EXT2: variants seen among roughly 807,000 people sequenced by gnomAD.
EXT2 encodes exostosin-2.
A neutral mutation model predicts 81.6 loss-of-function variants in EXT2; 53 were observed. The ratio of observed to expected loss-of-function variants is 0.65; its 90% CI spans 0.52 to 0.82. EXT2 has a LOEUF of 0.82. Among genes scored for constraint, EXT2 ranks in the 40% least tolerant of loss-of-function variants. The probability of loss-of-function intolerance (pLI) is 0.00; values close to 1 mark genes in which losing one functional copy is unlikely to be tolerated. For missense variants in EXT2, 774 were observed against 910.2 expected, an observed-to-expected ratio of 0.85 and a Z score of 1.93; for synonymous variants, 320 against 340.0, an observed-to-expected ratio of 0.94 and a Z score of 0.65.
At chr11:44,153,288 T>G (rs1954816623) in intron 7 of EXT2, among the ~76,000 whole-genome samples, 1 of 152,222 alleles carries the variant, frequency 6.6e-6, no homozygotes, top group Admixed American at 6.5e-5. Flanking sequence ...TAAATGGTGA[T>G]GGGTTTTAAA....
chr11:44,136,016 T>A (rs1954561014), intron 7 of EXT2, among the ~76,000 whole-genome samples: 1 of 152,230 alleles, frequency 6.6e-6, no homozygotes, highest in African/African-American at 2.4e-5. Flanking sequence ...AGCATATATG[T>A]TTTTAAGATA....
At chr11:44,128,364 A>G (rs1208693414) in intron 6 of EXT2, among the ~76,000 whole-genome samples, 1 of 152,206 alleles carries the variant, frequency 6.6e-6, no homozygotes, top group Non-Finnish European at 1.5e-5. Flanking sequence ...GTTATTCTTC[A>G]TGCCTTAGAG....
At chr11:44,109,780 G>A (rs551178340) in intron 3 of EXT2, among the ~76,000 whole-genome samples, 179 of 152,092 alleles carry the variant, frequency 1.2e-3, no homozygotes, top group African/African-American at 4.2e-3. Flanking sequence ...TTCATTATTC[G>A]CCCCTCTTGC....
intron 8 of EXT2, among the ~76,000 whole-genome samples, chr11:44,180,293 C>T (rs995467791): frequency 2.0e-5 from 3 of 152,102 alleles, no homozygotes; most frequent in East Asian, 1.9e-4. Context: ...TCCATCTTAC[C>T]GTTATGACTG....
At chr11:44,236,454 T>C in intron 13 of EXT2, 79 bp downstream of exon 13, 1 of 1,346,050 alleles carries the variant, frequency 7.4e-7, no homozygotes, top group South Asian at 1.2e-5. Context: ...TGGGGCTTTG[T>C]TGGAGATATA....
At chr11:44,213,764 C>T (rs1053160535) in intron 10 of EXT2, among the ~76,000 whole-genome samples, 2 of 152,050 alleles carry the variant, frequency 1.3e-5, no homozygotes, top group Admixed American at 1.3e-4. Context: ...ATATTTGTGT[C>T]ATTAGAATTT....
chr11:44,244,041 T>C, intron 13 of EXT2, 108 bp from the exon 14 acceptor site: 1 of 1,002,710 alleles, frequency 1.0e-6, no homozygotes, highest in South Asian at 1.3e-5. Context: ...ACATTATGTA[T>C]TTTGCTGTTA....
intron 7 of EXT2, among the ~76,000 whole-genome samples, chr11:44,156,235 T>TATA (rs1417948187): frequency 6.6e-6 from 1 of 152,226 alleles, no homozygotes; most frequent in Non-Finnish European, 1.5e-5. Flanking sequence ...CTTGGTGTTC[T>TATA]ATAACCTTCT....
At chr11:44,212,298 T>TATAA (rs55649714) in intron 10 of EXT2, among the ~76,000 whole-genome samples, 28 of 80,670 alleles carry the variant, frequency 3.5e-4, no homozygotes, top group African/African-American at 1.2e-3. Context: ...AAAATAAAAA[T>TATAA]ATAAATAAAT....
intron 9 of EXT2, among the ~76,000 whole-genome samples, chr11:44,206,193 T>G (rs536046771): frequency 2.6e-5 from 4 of 152,310 alleles, no homozygotes; most frequent in African/African-American, 9.6e-5. Flanking sequence ...CATACTTTGA[T>G]GAGTGGTGGA....
rs183064157 is a variant in EXT2, at chr11:44,227,010, C to T, written c.1663-5343C>T. On this transcript the variant is annotated intron_variant, in intron 10 of 13. Transcript: ENST00000533608. Reference sequence around the variant, plus strand: ...TTCATGAGTCCTGATACATTGCTCACCCAGTAGCAATATCCCTGTGGAACT... The same window carrying T: ...TTCATGAGTCCTGATACATTGCTCATCCAGTAGCAATATCCCTGTGGAACT... Among the ~76,000 whole-genome samples the T allele has an allele frequency of 2.3e-4, 35 of 152,352 alleles. No individual in the cohort carries two copies. In the East Asian group the frequency reaches 6.4e-3, roughly 28 times the overall value.
At chr11:44,231,063 T>C (rs1200487526) in intron 10 of EXT2, among the ~76,000 whole-genome samples, 1 of 152,218 alleles carries the variant, frequency 6.6e-6, no homozygotes, top group Admixed American at 6.5e-5. Context: ...CTGTGCAGAA[T>C]ACCCTAATAT....
At chr11:44,177,865 A>G in intron 8 of EXT2, among the ~76,000 whole-genome samples, 1 of 152,212 alleles carries the variant, frequency 6.6e-6, no homozygotes, top group Admixed American at 6.5e-5. Flanking sequence ...ATTGATGAGA[A>G]AAATGGGGAA....
intron 7 of EXT2, among the ~76,000 whole-genome samples, chr11:44,136,567 G>A (rs923395733): frequency 2.6e-5 from 4 of 152,184 alleles, no homozygotes; most frequent in Admixed American, 6.5e-5. Context: ...CACAGCCCTG[G>A]AAATATATTA....
rs760089548 is a variant in EXT2, at chr11:44,244,846, G to A, written c.*559G>A. On this transcript the variant is annotated 3_prime_UTR_variant, in exon 14 of 14. Transcript: ENST00000533608. ...CTTGTGCACAGGAAGAGCACCAGCC[G>A]CTGAGTCAGGATCCTGTCAGTTCCA... 6 of 237,626 alleles carry A rather than the reference G, an allele frequency of 2.5e-5. No homozygotes were observed. Among genetic ancestry groups the A allele is most frequent in the East Asian group, 6.0e-5 (1 of 16,650 alleles). 14.7% of individuals were successfully genotyped at this position (237,626 alleles called of 1,614,324 possible).
chr11:44,140,917 G>A (rs1202781964), intron 7 of EXT2, among the ~76,000 whole-genome samples: 1 of 152,228 alleles, frequency 6.6e-6, no homozygotes, highest in Non-Finnish European at 1.5e-5. Flanking sequence ...ACTTGAGGTT[G>A]AGGCAAAAGC....
At position 44,232,109 on chromosome 11, in the gene EXT2, C is replaced by T. The variant is rs562464522; in HGVS notation, c.1663-244C>T. Among the ~76,000 whole-genome samples the T allele has an allele frequency of 2.0e-5, 3 of 152,140 alleles. No individual in the cohort carries two copies. The East Asian group carries it at 5.8e-4, about 29-fold the overall frequency. ...CCAACTCAGTAAGCTATTACCCCCA[C>T]ATTAATTGAAATTCCCAAGCATATA... is the stretch of plus-strand genomic sequence containing the variant. On this transcript the variant is annotated intron_variant, in intron 10 of 13. Transcript: ENST00000533608.
chr11:44,238,899 A>G (rs539334527), intron 13 of EXT2, among the ~76,000 whole-genome samples: 52 of 152,284 alleles, frequency 3.4e-4, no homozygotes, highest in African/African-American at 1.3e-3. Context: ...TTGAATCCCC[A>G]AATAAGGAGC....
intron 8 of EXT2, among the ~76,000 whole-genome samples, chr11:44,188,587 G>A (rs1271358405): frequency 4.6e-5 from 7 of 152,138 alleles, no homozygotes; most frequent in South Asian, 2.1e-4. Context: ...TTCAGTCCAG[G>A]TCTCAAATAA....
Sources: allele counts gnomAD v4.1 joint callset (sites outside exome capture counted in the v4.1 genomes callset), GRCh38; gene constraint gnomAD v4.1.1; transcripts MANE v1.5; gene names NCBI Gene and HGNC (gene_info 2026-07-23, HGNC 2026-07-21).